The following CTXND1 variants were observed in gnomAD, a reference collection of about 807,000 sequenced individuals.
CTXND1 encodes cortexin domain-containing 1 protein.
intron 1 of CTXND1, among the ~76,000 whole-genome samples, chr15:80,247,771 A>G (rs1893649646): frequency 6.6e-6 from 1 of 152,196 alleles, no homozygotes; most frequent in Non-Finnish European, 1.5e-5. Flanking sequence ...AGTTTCCTAA[A>G]GGTAGCAACT....
At chr15:80,208,020 A>G (rs1328165942) in intron 1 of CTXND1, among the ~76,000 whole-genome samples, 1 of 152,236 alleles carries the variant, frequency 6.6e-6, no homozygotes, top group East Asian at 1.9e-4. Context: ...ACTTAAGAAC[A>G]TTGGCCATTC....
chr15:80,232,377 CAT>C (rs1255216967), intron 1 of CTXND1, among the ~76,000 whole-genome samples: 1 of 152,130 alleles, frequency 6.6e-6, no homozygotes, highest in Non-Finnish European at 1.5e-5. Flanking sequence ...AAATCGAGCT[CAT>C]GTTTCTAATC....
At chr15:80,204,806 T>C (rs905089630) in intron 1 of CTXND1, among the ~76,000 whole-genome samples, 1 of 152,062 alleles carries the variant, frequency 6.6e-6, no homozygotes, top group Non-Finnish European at 1.5e-5. Flanking sequence ...TGCTTTGGGG[T>C]ATATAAGCAG....
chr15:80,213,342 C>A (rs1893220314), intron 1 of CTXND1, among the ~76,000 whole-genome samples: 1 of 152,112 alleles, frequency 6.6e-6, no homozygotes, highest in South Asian at 2.1e-4. Context: ...TGAATAATGG[C>A]CTCCCAGAAG....
chr15:80,225,720 TGG>T (rs1893364323), intron 1 of CTXND1, among the ~76,000 whole-genome samples: 1 of 152,208 alleles, frequency 6.6e-6, no homozygotes, highest in Admixed American at 6.5e-5. Flanking sequence ...TTTTATGAAG[TGG>T]TATGCTATCA....
chr15:80,204,767 C>T (rs1893131306), intron 1 of CTXND1, among the ~76,000 whole-genome samples: 1 of 151,208 alleles, frequency 6.6e-6, no homozygotes, highest in Non-Finnish European at 1.5e-5. Context: ...TGTGGGTGTA[C>T]AAATCTCTCC....
At chr15:80,223,514 G>A (rs1350513519) in intron 1 of CTXND1, among the ~76,000 whole-genome samples, 1 of 152,214 alleles carries the variant, frequency 6.6e-6, no homozygotes, top group Non-Finnish European at 1.5e-5. Context: ...GTGCTGCTAA[G>A]AAATTCTTGT....
At chr15:80,211,054 C>T (rs559417819) in intron 1 of CTXND1, among the ~76,000 whole-genome samples, 2 of 152,270 alleles carry the variant, frequency 1.3e-5, no homozygotes, top group South Asian at 4.1e-4. Context: ...GAGGAGGGAA[C>T]AAAATTCGGT....
intron 1 of CTXND1, among the ~76,000 whole-genome samples, chr15:80,229,886 G>A (rs1403402829): frequency 6.6e-6 from 1 of 152,136 alleles, no homozygotes; most frequent in Non-Finnish European, 1.5e-5. Context: ...GATCTATCCA[G>A]GTTGGAAAAT....
At chr15:80,247,045 T>C (rs1214297799) in intron 1 of CTXND1, among the ~76,000 whole-genome samples, 1 of 152,208 alleles carries the variant, frequency 6.6e-6, no homozygotes, top group Non-Finnish European at 1.5e-5. Flanking sequence ...GCTTTCCATT[T>C]TACCCATGAG....
chr15:80,250,473 G>T (rs1893680576), intron 1 of CTXND1, among the ~76,000 whole-genome samples: 1 of 152,136 alleles, frequency 6.6e-6, no homozygotes, highest in Non-Finnish European at 1.5e-5. Flanking sequence ...TTGGGTTAGA[G>T]ATACATTATG....
At position 80,198,942 on chromosome 15, in the gene CTXND1, A is replaced by G. The variant is rs1320784789; in HGVS notation, c.*2828T>C. ...CTTGTGATGTAATGTTAGGAGAAAG[A>G]GTATGATATAAAATTATGTAGCAGA... On this transcript the variant is annotated 3_prime_UTR_variant, in exon 3 of 3. Coordinates refer to ENST00000560778, the MANE Select transcript of CTXND1 (RefSeq NM_001352888.2). 1 of 152,262 alleles carries G rather than the reference A, an allele frequency of 6.6e-6. No homozygotes were observed. The highest frequency in any genetic ancestry group is 1.5e-5 in the Non-Finnish European group (1 of 68,044). The allele number at this position is 152,262 out of a possible 1,614,324, so 9.4% of individuals were successfully genotyped here. A position where few individuals can be genotyped will look rare whatever the true frequency, so the allele number is the denominator to read the frequency against.
At chr15:80,237,442 G>A (rs1893515167) in intron 1 of CTXND1, among the ~76,000 whole-genome samples, 1 of 152,052 alleles carries the variant, frequency 6.6e-6, no homozygotes. Context: ...TGTTATCTTA[G>A]GAGATGGCAG....
intron 1 of CTXND1, among the ~76,000 whole-genome samples, chr15:80,232,705 G>T (rs1457453803): frequency 6.6e-6 from 1 of 152,134 alleles, no homozygotes; most frequent in African/African-American, 2.4e-5. Flanking sequence ...TCTCCCCAAA[G>T]CACCAGCAGG....
chr15:80,244,285 G>T (rs1893604511), intron 1 of CTXND1, among the ~76,000 whole-genome samples: 1 of 152,214 alleles, frequency 6.6e-6, no homozygotes, highest in South Asian at 2.1e-4. Flanking sequence ...AAATTTATGT[G>T]CAAAGCCCAT....
At chr15:80,237,886 A>G (rs1893519444) in intron 1 of CTXND1, among the ~76,000 whole-genome samples, 1 of 151,722 alleles carries the variant, frequency 6.6e-6, no homozygotes, top group Admixed American at 6.6e-5. Context: ...GCATGCATCT[A>G]TAATCCCAGC....
chr15:80,242,533 G>C (rs1234005617), intron 1 of CTXND1, among the ~76,000 whole-genome samples: 1 of 152,192 alleles, frequency 6.6e-6, no homozygotes, highest in Non-Finnish European at 1.5e-5. Flanking sequence ...AAATTTGCAT[G>C]AACAATGCCT....
intron 1 of CTXND1, among the ~76,000 whole-genome samples, chr15:80,247,530 T>C (rs1216153479): frequency 6.6e-6 from 1 of 151,806 alleles, no homozygotes; most frequent in Non-Finnish European, 1.5e-5. Flanking sequence ...AAGGGAGGAA[T>C]TTAGTCATAG....
chr15:80,204,260 C>A (rs537294829), intron 1 of CTXND1, among the ~76,000 whole-genome samples: 1 of 139,432 alleles, frequency 7.2e-6, no homozygotes, highest in South Asian at 2.3e-4. Flanking sequence ...AAAAATGTGA[C>A]CACATACACA....
Sources: gnomAD v4.1 joint callset for allele counts (sites outside exome capture counted in the v4.1 genomes callset) on GRCh38, gnomAD v4.1.1 for gene constraint, MANE v1.5 for transcripts, NCBI Gene and HGNC (gene_info 2026-07-23, HGNC 2026-07-21) for gene names.